Variants in ASTN2 observed in about 807,000 individuals in gnomAD.
ASTN2 encodes astrotactin 2, also known as astrotactin-2.
Under a neutral mutation model 139.8 loss-of-function variants are expected in ASTN2, and 54 were observed. The ratio of observed to expected loss-of-function variants is 0.39; its 90% CI spans 0.31 to 0.48. ASTN2 has a LOEUF of 0.48. Ranked by LOEUF, ASTN2 falls within the 20% of genes least tolerant of loss-of-function variation. The pLI is 0.95. For missense variants in ASTN2, 1,565 were observed against 1,725.1 expected (o/e 0.91, Z 1.64); for synonymous variants, 756 against 719.5 (o/e 1.05, Z -0.81).
intron 19 of ASTN2, among the ~76,000 whole-genome samples, chr9:116,536,705 G>A (rs887650373): frequency 3.9e-5 from 6 of 152,210 alleles, no homozygotes; most frequent in African/African-American, 1.2e-4. Context: ...CGGCCTGATC[G>A]TTCCTCTGGA....
chr9:116,463,169 C>T (rs575238097), intron 20 of ASTN2, among the ~76,000 whole-genome samples: 3 of 152,232 alleles, frequency 2.0e-5, no homozygotes, highest in African/African-American at 7.2e-5. Flanking sequence ...TGCTCTAGTT[C>T]AGGCTGCAAC....
chr9:116,618,404 G>C lies in ASTN2; in HGVS notation c.3275C>G (p.Pro1092Arg), dbSNP rs1382811185. Residue 1092 changes from proline to arginine, a missense_variant, in exon 19 of 23, where the codon CCA (proline) becomes CGA (arginine). By Grantham distance (103) the Pro-to-Arg change is moderately radical (BLOSUM62 -2). Coordinates refer to ENST00000313400, the MANE Select transcript of ASTN2 (RefSeq NM_001365068.1). ...VVSLEWVDVQ[P>R]AIGTKVSDYI... ...GTCGGAGACCTTGGTCCCAATAGCT[G>C]GCTGAACATCCACCCACTCCAAGGA... 2 of 1,613,998 alleles carry C rather than the reference G, an allele frequency of 1.2e-6. No individual in the cohort carries two copies. The highest frequency in any genetic ancestry group is 8.5e-7 in the Non-Finnish European group (1 of 1,179,984).
At chr9:116,638,188 G>GA (rs1424540614) in intron 17 of ASTN2, among the ~76,000 whole-genome samples, 1 of 152,174 alleles carries the variant, frequency 6.6e-6, no homozygotes, top group African/African-American at 2.4e-5. Context: ...GGAATAAGAG[G>GA]AAAAGCAGAA....
At chr9:116,673,538 A>G (rs573054029) in intron 16 of ASTN2, among the ~76,000 whole-genome samples, 12 of 152,284 alleles carry the variant, frequency 7.9e-5, no homozygotes, top group Admixed American at 2.0e-4. Context: ...TTTAGTTGTA[A>G]CTGGTTAAGA....
intron 13 of ASTN2, among the ~76,000 whole-genome samples, chr9:116,736,923 C>T (rs1047831738): frequency 2.0e-5 from 3 of 152,130 alleles, no homozygotes; most frequent in African/African-American, 4.8e-5. Flanking sequence ...CTGACCCCAA[C>T]GGGACAATGC....
At chr9:117,254,369 T>C (rs1564108978) in intron 2 of ASTN2, among the ~76,000 whole-genome samples, 1 of 152,222 alleles carries the variant, frequency 6.6e-6, no homozygotes, top group Non-Finnish European at 1.5e-5. Flanking sequence ...TACATTTTCT[T>C]AAATTCAACA....
intron 6 of ASTN2, among the ~76,000 whole-genome samples, chr9:117,023,264 T>C (rs745783726): frequency 6.6e-6 from 1 of 152,128 alleles, no homozygotes; most frequent in Admixed American, 6.5e-5. Context: ...CAGAAAAGCT[T>C]TCCTGTGCTC....
At chr9:117,392,160 A>G (rs999789143) in intron 1 of ASTN2, among the ~76,000 whole-genome samples, 5 of 152,216 alleles carry the variant, frequency 3.3e-5, no homozygotes, top group African/African-American at 7.2e-5. Flanking sequence ...GATTAAGAGC[A>G]AGACAGAATC....
chr9:116,948,970 T>C (rs12347598), intron 10 of ASTN2, among the ~76,000 whole-genome samples: 26,052 of 151,044 alleles, frequency 0.17, 2,319 homozygotes, highest in South Asian at 0.2. Flanking sequence ...TTTTTATTTT[T>C]AGTAGAGACT....
At chr9:116,943,962 G>A (rs1433004966) in intron 10 of ASTN2, among the ~76,000 whole-genome samples, 1 of 151,870 alleles carries the variant, frequency 6.6e-6, no homozygotes, top group East Asian at 1.9e-4. Context: ...GTTCACAGGT[G>A]CACTTGTTCA....
At chr9:117,012,352 G>A (rs1389276046) in intron 6 of ASTN2, among the ~76,000 whole-genome samples, 2 of 152,150 alleles carry the variant, frequency 1.3e-5, no homozygotes, top group African/African-American at 4.8e-5. Context: ...GAGGCAGGTA[G>A]AGAAACTCAG....
At position 117,183,310 on chromosome 9, in the gene ASTN2, G is replaced by C. The variant is rs367611393; in HGVS notation, c.1015+31048C>G. Among the ~76,000 whole-genome samples the C allele has an allele frequency of 2.0e-5, 3 of 152,206 alleles. No homozygotes were observed. In the South Asian group the frequency reaches 6.2e-4, roughly 31 times the overall value. ...GAATGAATGAATGAATTGCTGAGTA[G>C]TTGAGAGAATTAAATAAAGAAGCAT... On this transcript the variant is annotated intron_variant, in intron 3 of 22. Transcript: ENST00000313400.
intron 3 of ASTN2, among the ~76,000 whole-genome samples, chr9:117,208,488 C>A (rs147822839): frequency 1.3e-5 from 2 of 150,940 alleles, no homozygotes; most frequent in East Asian, 3.9e-4. Flanking sequence ...ATAAATAATA[C>A]AAAAAAAAGA....
chr9:116,444,174 T>G (rs1482128124), intron 20 of ASTN2, among the ~76,000 whole-genome samples: 2 of 152,188 alleles, frequency 1.3e-5, no homozygotes, highest in African/African-American at 4.8e-5. Context: ...TTACTAGGAC[T>G]GGCAATTTAA....
intron 4 of ASTN2, among the ~76,000 whole-genome samples, chr9:117,134,409 G>T (rs372300460): frequency 6.6e-6 from 1 of 150,576 alleles, no homozygotes; most frequent in African/African-American, 2.5e-5. Flanking sequence ...TATCAAGAAG[G>T]ATAAAGGAGC....
At chr9:116,661,971 C>A (rs1044209790) in intron 16 of ASTN2, among the ~76,000 whole-genome samples, 1 of 150,776 alleles carries the variant, frequency 6.6e-6, no homozygotes, top group African/African-American at 2.4e-5. Context: ...ATGTAACAAA[C>A]CTGCACATTG....
chr9:116,736,809 C>G (rs777066091), intron 13 of ASTN2, among the ~76,000 whole-genome samples: 1 of 152,168 alleles, frequency 6.6e-6, no homozygotes, highest in African/African-American at 2.4e-5. Flanking sequence ...AATGTTCTTA[C>G]AATTGTAGAG....
At chr9:117,121,256 G>A (rs1391992686) in intron 4 of ASTN2, among the ~76,000 whole-genome samples, 1 of 152,170 alleles carries the variant, frequency 6.6e-6, no homozygotes, top group Non-Finnish European at 1.5e-5. Flanking sequence ...TGGGCTAGAG[G>A]AACAAGAAAG....
intron 10 of ASTN2, among the ~76,000 whole-genome samples, chr9:116,877,147 G>T (rs543804407): frequency 6.6e-6 from 1 of 152,162 alleles, no homozygotes; most frequent in African/African-American, 2.4e-5. Context: ...AGATTGTGCG[G>T]TCTAACCCCA....
Sources: allele counts gnomAD v4.1 joint callset (sites outside exome capture counted in the v4.1 genomes callset), GRCh38; gene constraint gnomAD v4.1.1; transcripts MANE v1.5; gene names NCBI Gene and HGNC (gene_info 2026-07-23, HGNC 2026-07-21).